Variants in RIPOR3 observed in about 807,000 individuals in gnomAD.
RIPOR3 encodes RIPOR family member 3.
A neutral mutation model predicts 114.3 loss-of-function variants in RIPOR3; 95 were observed. The ratio of observed to expected loss-of-function variants is 0.83; its 90% CI spans 0.70 to 0.99. The LOEUF (loss-of-function observed/expected upper bound fraction) is 0.99. Ranked by LOEUF, RIPOR3 falls within the 50% of genes least tolerant of loss-of-function variation. The pLI is 0.00. For synonymous variants in RIPOR3, 575 were observed against 543.8 expected, an observed-to-expected ratio of 1.06 and a Z score of -0.80; for missense variants, 1,252 against 1,266.9, an observed-to-expected ratio of 0.99 and a Z score of 0.18.
intron 13 of RIPOR3, among the ~76,000 whole-genome samples, chr20:50,601,758 A>C (rs927807529): frequency 1.3e-5 from 2 of 152,130 alleles, no homozygotes; most frequent in Admixed American, 1.3e-4. Flanking sequence ...ACAACACTCC[A>C]AGTTTGGGTT....
In RIPOR3 at chr20:50,665,283, CA is replaced by C. The variant is rs546774316; in HGVS notation, c.3+25842del. Among the ~76,000 whole-genome samples the C allele has an allele frequency of 4.3e-3, 579 of 134,518 alleles. 3 individuals are homozygous for C. The highest frequency in any genetic ancestry group is 0.016 in the Middle Eastern group (4 of 256). The allele number at this position is 134,518 out of a possible 152,430, so 88.2% of individuals were successfully genotyped here. The stretch of plus-strand genomic sequence containing the variant: ...AAAACCCTGACTCTACTAAAAATAC[CA>C]AAAAAAAAAAAAAAATGCTGGACGT... On this transcript the variant is annotated intron_variant, in intron 1 of 21. Transcript: ENST00000327979.
At chr20:50,631,865 A>G (rs1600636399) in intron 1 of RIPOR3, among the ~76,000 whole-genome samples, 1 of 152,092 alleles carries the variant, frequency 6.6e-6, no homozygotes, top group Non-Finnish European at 1.5e-5. Context: ...TCTAACCTAA[A>G]TCTCTGCTGC....
intron 13 of RIPOR3, among the ~76,000 whole-genome samples, chr20:50,600,296 T>C (rs2083448457): frequency 6.6e-6 from 1 of 152,202 alleles, no homozygotes; most frequent in Non-Finnish European, 1.5e-5. Context: ...ATTTGCATTG[T>C]TCTGACTTCG....
chr20:50,666,885 G>A (rs777885433), intron 1 of RIPOR3, among the ~76,000 whole-genome samples: 4 of 152,138 alleles, frequency 2.6e-5, no homozygotes, highest in Non-Finnish European at 4.4e-5. Context: ...TTCAAACATA[G>A]GAAGAAACAT....
chr20:50,642,467 T>C (rs961267475), intron 1 of RIPOR3, among the ~76,000 whole-genome samples: 1 of 151,998 alleles, frequency 6.6e-6, no homozygotes, highest in Admixed American at 6.6e-5. Context: ...TTTTACAATT[T>C]GGAAACTGCT....
chr20:50,682,569 T>G (rs1423447248), intron 1 of RIPOR3, among the ~76,000 whole-genome samples: 1 of 124,702 alleles, frequency 8.0e-6, no homozygotes, highest in African/African-American at 2.6e-5. Context: ...ATTGCACCAC[T>G]GCACTCCAGC....
chr20:50,598,907 A>G (rs80038677), intron 13 of RIPOR3, among the ~76,000 whole-genome samples: 1 of 53,254 alleles, frequency 1.9e-5, no homozygotes, highest in Non-Finnish European at 6.5e-5. Flanking sequence ...TCCATCTCAG[A>G]AAAAAAAAAA....
Position 50,593,049 on chromosome 20 carries a change from T to C in RIPOR3, c.2360A>G (p.Gln787Arg). 1.2e-6 allele frequency: 2 copies of C among 1,614,116 alleles called. No individual in the cohort carries two copies. Among genetic ancestry groups the C allele is most frequent in the Non-Finnish European group, 1.7e-6 (2 of 1,180,038 alleles). ...CCCAGTCTTACCTTCCTTGGTGAGC[T>C]GGGTGAAGTGCTTCTCCAGGTCAGA... ...SVSDLEKHFT[Q>R]LTKEVTLIEE... The change falls in exon 18 of 22, where the codon CAG becomes CGG. Residue 787 changes from glutamine (Q) to arginine (R), a missense_variant. Gln to Arg is a conservative substitution (Grantham distance 43). Coordinates refer to ENST00000327979, the MANE Select transcript of RIPOR3 (RefSeq NM_001290268.2).
chr20:50,674,771 A>C (rs1600750312), intron 1 of RIPOR3, among the ~76,000 whole-genome samples: 1 of 150,976 alleles, frequency 6.6e-6, no homozygotes. Flanking sequence ...ACATACTGAA[A>C]CCCATCCAGT....
At chr20:50,648,759 C>G (rs1350659103) in intron 1 of RIPOR3, among the ~76,000 whole-genome samples, 1 of 151,996 alleles carries the variant, frequency 6.6e-6, no homozygotes, top group Non-Finnish European at 1.5e-5. Context: ...GCCGAGATCC[C>G]TCGCATGCGT....
intron 1 of RIPOR3, among the ~76,000 whole-genome samples, chr20:50,635,705 A>C (rs2084960526): frequency 6.6e-6 from 1 of 152,184 alleles, no homozygotes; most frequent in South Asian, 2.1e-4. Context: ...GAAGAAAAGA[A>C]GGAAACCGAG....
chr20:50,688,372 C>A (rs562236980), intron 1 of RIPOR3, among the ~76,000 whole-genome samples: 100 of 152,274 alleles, frequency 6.6e-4, no homozygotes, highest in Middle Eastern at 3.4e-3. Flanking sequence ...CCAGGCTGGT[C>A]TCAAACTCTT....
intron 11 of RIPOR3, among the ~76,000 whole-genome samples, chr20:50,605,257 C>G (rs1287928591): frequency 6.6e-6 from 1 of 151,944 alleles, no homozygotes; most frequent in Non-Finnish European, 1.5e-5. Flanking sequence ...TTACACAAAT[C>G]CTTATTTCCA....
intron 11 of RIPOR3, among the ~76,000 whole-genome samples, chr20:50,606,497 C>A (rs555252419): frequency 6.6e-6 from 1 of 152,188 alleles, no homozygotes; most frequent in African/African-American, 2.4e-5. Context: ...AACCATGGCT[C>A]AGATGGAAAG....
At chr20:50,614,185 G>A (rs918870757) in intron 4 of RIPOR3, among the ~76,000 whole-genome samples, 38 of 152,118 alleles carry the variant, frequency 2.5e-4, no homozygotes, top group Non-Finnish European at 1.5e-4. Context: ...ACAGGCACCC[G>A]CCACCACGCC....
In RIPOR3 at chr20:50,595,622, G is replaced by C. The variant is rs2083262098; in HGVS notation, c.1915-118C>G. On this transcript the variant is annotated intron_variant, in intron 15 of 21. Coordinates refer to ENST00000327979, the MANE Select transcript of RIPOR3 (RefSeq NM_001290268.2). ...TCTTCTGTCCCGGGGGCAGCTCCCTGACTGTCATTTGGGGATTCCCCTTTC... is the reference window on the plus strand; with the variant it reads ...TCTTCTGTCCCGGGGGCAGCTCCCTCACTGTCATTTGGGGATTCCCCTTTC... The C allele has an allele frequency of 8.6e-6, 12 of 1,395,440 alleles. No individual in the cohort carries two copies. In the South Asian group the frequency reaches 1.1e-4, roughly 12 times the overall value. 86.4% of individuals were successfully genotyped at this position (1,395,440 alleles called of 1,614,324 possible). A position where few individuals can be genotyped will look rare whatever the true frequency, so the allele number is the denominator to read the frequency against.
intron 1 of RIPOR3, among the ~76,000 whole-genome samples, chr20:50,675,136 GAAC>G (rs1421296596): frequency 6.6e-6 from 1 of 152,018 alleles, no homozygotes; most frequent in Admixed American, 6.6e-5. Context: ...GCAAGCTGAG[GAAC>G]AACAAGGATC....
chr20:50,641,964 A>G (rs935535377), intron 1 of RIPOR3, among the ~76,000 whole-genome samples: 28 of 152,132 alleles, frequency 1.8e-4, no homozygotes, highest in African/African-American at 6.8e-4. Flanking sequence ...GGCCCCCTGC[A>G]GAGCCCTTGG....
intron 21 of RIPOR3, among the ~76,000 whole-genome samples, 182 bp downstream of exon 21, chr20:50,587,620 G>T (rs983549448): frequency 6.6e-6 from 1 of 152,224 alleles, no homozygotes; most frequent in Admixed American, 6.5e-5. Flanking sequence ...AGCCATGGAG[G>T]AGGCCTGCCT....
Sources: allele counts gnomAD v4.1 joint callset (sites outside exome capture counted in the v4.1 genomes callset), GRCh38; gene constraint gnomAD v4.1.1; transcripts MANE v1.5; gene names NCBI Gene and HGNC (gene_info 2026-07-23, HGNC 2026-07-21).